MYO1D: variants seen among roughly 807,000 people sequenced by gnomAD.
MYO1D encodes the protein unconventional myosin-Id.
MYO1D carries 83 observed loss-of-function variants against 122.0 expected under a neutral mutation model. The observed-to-expected ratio is 0.68, with a 90% CI of 0.57 to 0.82. The LOEUF (loss-of-function observed/expected upper bound fraction) is 0.82. MYO1D is among the 40% of genes least tolerant of loss of function. The probability of loss-of-function intolerance (pLI) is 0.00; values close to 1 mark genes in which losing one functional copy is unlikely to be tolerated. For missense variants in MYO1D, 1,157 were observed against 1,269.5 expected (o/e 0.91, Z 1.35); for synonymous variants, 464 against 446.9 (o/e 1.04, Z -0.48).
chr17:32,785,743 G>T (rs912656395), intron 1 of MYO1D, among the ~76,000 whole-genome samples: 2 of 152,046 alleles, frequency 1.3e-5, no homozygotes, highest in African/African-American at 4.8e-5. Flanking sequence ...TTTTCCTTCT[G>T]CTTCTCTGGT....
intron 1 of MYO1D, among the ~76,000 whole-genome samples, chr17:32,842,891 T>C (rs1008127366): frequency 7.5e-4 from 107 of 143,386 alleles, no homozygotes; most frequent in Middle Eastern, 3.6e-3. Flanking sequence ...TCTTTCTTTT[T>C]TTTTTTTTTT....
intron 21 of MYO1D, among the ~76,000 whole-genome samples, chr17:32,503,301 G>T (rs911339719): frequency 6.6e-6 from 1 of 152,236 alleles, no homozygotes; most frequent in African/African-American, 2.4e-5. Flanking sequence ...CCAGGAAAGC[G>T]GGTCCTGGGA....
In MYO1D at chr17:32,778,589, G is replaced by A; in HGVS notation, c.305-16C>T. 1 of 1,588,740 alleles carries A rather than the reference G, an allele frequency of 6.3e-7. No homozygotes were observed. The highest frequency in any genetic ancestry group is 8.6e-7 in the Non-Finnish European group (1 of 1,157,052). ...CCACTTTCCCCTGGGGGGAAAAATT[G>A]TTCAGGGCTTAACATAATAATTTAA... is the stretch of plus-strand genomic sequence containing the variant. On this transcript the variant is annotated splice_polypyrimidine_tract_variant and intron_variant, in intron 2 of 21. Transcript: ENST00000318217.
chr17:32,671,875 G>C (rs370547334), intron 16 of MYO1D, among the ~76,000 whole-genome samples: 1 of 152,192 alleles, frequency 6.6e-6, no homozygotes, highest in African/African-American at 2.4e-5. Context: ...TATGGATCCC[G>C]TCTTTATTTA....
chr17:32,820,565 T>C (rs1322119441), intron 1 of MYO1D, among the ~76,000 whole-genome samples: 1 of 152,094 alleles, frequency 6.6e-6, no homozygotes, highest in Non-Finnish European at 1.5e-5. Context: ...CAATATGGAA[T>C]CTAAAAAGTT....
In MYO1D at chr17:32,777,761, G is replaced by A. The variant is rs2151027224; in HGVS notation, c.398+719C>T. On this transcript the variant is annotated intron_variant, in intron 3 of 21. Transcript: ENST00000318217. ...GAGATCGAGACCACAGTGAAACCCC[G>A]TCTCTACTAAAAACACAAAAAAATT... 3.3e-5 allele frequency among the ~76,000 whole-genome samples: 5 copies of A among 151,576 alleles called. 1 individual carries two copies. In the Middle Eastern group the frequency reaches 0.017, roughly 523 times the overall value.
intron 1 of MYO1D, among the ~76,000 whole-genome samples, chr17:32,795,786 GA>G (rs1205470280): frequency 1.3e-5 from 2 of 152,038 alleles, no homozygotes; most frequent in African/African-American, 4.8e-5. Context: ...TAAAGACTGA[GA>G]AAGAGGCCAT....
chr17:32,646,038 C>T (rs1038958036), intron 19 of MYO1D, among the ~76,000 whole-genome samples: 2 of 152,108 alleles, frequency 1.3e-5, no homozygotes, highest in Admixed American at 6.6e-5. Context: ...GTGGTTTTAT[C>T]TACCTTTGGT....
At chr17:32,550,459 G>A (rs1390718269) in intron 21 of MYO1D, among the ~76,000 whole-genome samples, 1 of 151,292 alleles carries the variant, frequency 6.6e-6, no homozygotes, top group Non-Finnish European at 1.5e-5. Flanking sequence ...ATTTTTTTTT[G>A]GTGTTCACTG....
intron 20 of MYO1D, among the ~76,000 whole-genome samples, chr17:32,614,024 A>C (rs1357797964): frequency 3.3e-5 from 5 of 151,354 alleles, no homozygotes; most frequent in African/African-American, 1.2e-4. Context: ...TAAGATGGTA[A>C]ATACTCAAAT....
intron 14 of MYO1D, among the ~76,000 whole-genome samples, chr17:32,734,171 T>C (rs1401664090): frequency 2.0e-5 from 3 of 152,244 alleles, no homozygotes; most frequent in Non-Finnish European, 1.5e-5. Context: ...GGATTTATCA[T>C]CAGTTATTCG....
chr17:32,862,674 CTTG>C (rs934341944), intron 1 of MYO1D, among the ~76,000 whole-genome samples: 5 of 152,128 alleles, frequency 3.3e-5, no homozygotes, highest in Admixed American at 1.3e-4. Flanking sequence ...AAATGGAAAA[CTTG>C]TTGTAAGGAT....
intron 2 of MYO1D, among the ~76,000 whole-genome samples, chr17:32,779,505 A>G (rs1466883101): frequency 1.3e-5 from 2 of 151,254 alleles, no homozygotes; most frequent in African/African-American, 4.8e-5. Context: ...TAATATAATT[A>G]CACATGCAAT....
rs552532627 is a variant in MYO1D at position 32,494,903 on chromosome 17, G to T, written c.2877C>A (p.His959Gln). 11 of 1,601,036 alleles carry T rather than the reference G, an allele frequency of 6.9e-6. No homozygotes were observed. In the South Asian group the frequency reaches 7.8e-5, roughly 11 times the overall value. ...LVNHFKSEKR[H>Q]LQVNVTNPVQ... ...CTGGGTTGGTGACGTTCACTTGAAG[G>T]TGGCGCTTCTCACTGCAGGAACCAA... The change falls in exon 22 of 22, where the codon CAC (histidine) becomes CAA (glutamine). Residue 959 changes from histidine to glutamine, a missense_variant. His to Gln is a conservative substitution (Grantham distance 24). Coordinates refer to ENST00000318217, the MANE Select transcript of MYO1D (RefSeq NM_015194.3).
chr17:32,775,806 A>T (rs1598089025), intron 4 of MYO1D, 58 bp downstream of exon 4: 3 of 1,364,352 alleles, frequency 2.2e-6, no homozygotes, highest in Non-Finnish European at 3.0e-6. Flanking sequence ...CTATAAATAT[A>T]ATTTGTTTAA....
At chr17:32,853,001 C>G (rs1044357631) in intron 1 of MYO1D, among the ~76,000 whole-genome samples, 3 of 152,218 alleles carry the variant, frequency 2.0e-5, no homozygotes, top group African/African-American at 7.2e-5. Flanking sequence ...GTACTTCCAT[C>G]TGGCTACTAG....
At chr17:32,808,470 A>G (rs959874962) in intron 1 of MYO1D, among the ~76,000 whole-genome samples, 1 of 152,156 alleles carries the variant, frequency 6.6e-6, no homozygotes, top group Non-Finnish European at 1.5e-5. Flanking sequence ...GTTTTCCCTC[A>G]CAGCTTATCC....
chr17:32,620,815 GC>G (rs2087845740), intron 20 of MYO1D, among the ~76,000 whole-genome samples: 1 of 152,114 alleles, frequency 6.6e-6, no homozygotes, highest in Non-Finnish European at 1.5e-5. Context: ...GAGCCAGGAG[GC>G]AAACATCACA....
intron 21 of MYO1D, among the ~76,000 whole-genome samples, chr17:32,538,212 CTAAAGA>C (rs1910718189): frequency 6.6e-6 from 1 of 151,436 alleles, no homozygotes; most frequent in African/African-American, 2.4e-5. Flanking sequence ...TGACAGTAAG[CTAAAGA>C]TAATGGAAAA....
Sources: allele counts gnomAD v4.1 joint callset (sites outside exome capture counted in the v4.1 genomes callset), GRCh38; gene constraint gnomAD v4.1.1; transcripts MANE v1.5; gene names NCBI Gene and HGNC (gene_info 2026-07-23, HGNC 2026-07-21).